Variants in MCEE observed in about 807,000 individuals in gnomAD.
The protein encoded by MCEE is methylmalonyl-CoA epimerase, mitochondrial.
MCEE carries 6 observed loss-of-function variants against 12.9 expected under a neutral mutation model. The ratio of observed to expected loss-of-function variants is 0.47; its 90% CI spans 0.26 to 0.92. The LOEUF (loss-of-function observed/expected upper bound fraction) is 0.92. MCEE is among the 40% of genes least tolerant of loss of function. MCEE has a pLI of 0.16. For synonymous variants in MCEE, 78 were observed against 77.9 expected (o/e 1.00, Z -0.01); for missense variants, 214 against 212.1 (o/e 1.01, Z -0.05).
chr2:71,121,821 A>G (rs1673105829), intron 2 of MCEE, among the ~76,000 whole-genome samples: 1 of 152,168 alleles, frequency 6.6e-6, no homozygotes, highest in African/African-American at 2.4e-5. Context: ...ATAAAGGCTA[A>G]TATTAGGACT....
At chr2:71,117,418 T>C (rs368048235) in intron 2 of MCEE, 2 of 150,576 alleles carry the variant, frequency 1.3e-5, no homozygotes, top group African/African-American at 5.0e-5. Context: ...CCCTAGTTTA[T>C]TGTGAAAAGC....
chr2:71,125,188 A>AATATATATATATATATATATATAT (rs67615436), intron 1 of MCEE, among the ~76,000 whole-genome samples: 8 of 65,688 alleles, frequency 1.2e-4, no homozygotes, highest in Admixed American at 2.4e-4. Flanking sequence ...TATATATATA[A>AATATATATATATATATATATATAT]ATATATATAT....
rs1245413379 is a variant in MCEE, at chr2:71,117,847, C to T, written c.378+6359G>A. ...TTACTACCTACTCATCTAACCAGCC[C>T]CTTCTCTGTCACCGGTCCCTATGAT... On this transcript the variant is annotated intron_variant, in intron 2 of 2. Transcript: ENST00000244217. Among the ~76,000 whole-genome samples, 3 of 149,930 alleles carry T rather than the reference C, an allele frequency of 2.0e-5. No homozygotes were observed. In the East Asian group the frequency reaches 5.8e-4, roughly 29 times the overall value.
At chr2:71,117,516 T>C (rs2103624978) in intron 2 of MCEE, 2 of 150,564 alleles carry the variant, frequency 1.3e-5, no homozygotes, top group South Asian at 2.1e-4. Flanking sequence ...GGAAATGAGT[T>C]ACCTCACTAG....
chr2:71,110,654 C>T (rs931932053), intron 2 of MCEE: 8 of 153,654 alleles, frequency 5.2e-5, no homozygotes, highest in African/African-American at 1.9e-4. Context: ...TCAAGACACA[C>T]ATGAAAATCA....
intron 2 of MCEE, among the ~76,000 whole-genome samples, chr2:71,118,569 G>A (rs1189828642): frequency 6.7e-6 from 1 of 150,010 alleles, no homozygotes; most frequent in African/African-American, 2.5e-5. Context: ...ATCTGGTGGG[G>A]GATTGGTGGT....
intron 2 of MCEE, chr2:71,117,512 G>T (rs1673017654): frequency 6.7e-6 from 1 of 150,370 alleles, no homozygotes; most frequent in Non-Finnish European, 1.5e-5. Context: ...TGTAGGAAAT[G>T]AGTTACCTCA....
intron 2 of MCEE, among the ~76,000 whole-genome samples, chr2:71,114,086 A>G (rs1296401068): frequency 1.3e-5 from 2 of 152,118 alleles, no homozygotes; most frequent in African/African-American, 4.8e-5. Flanking sequence ...GAAAAAGGTT[A>G]GAAAACAAAA....
intron 2 of MCEE, among the ~76,000 whole-genome samples, chr2:71,118,973 T>A (rs1673047948): frequency 6.7e-6 from 1 of 149,746 alleles, no homozygotes; most frequent in Admixed American, 6.6e-5. Flanking sequence ...CACTCATGGA[T>A]GCCCTCCTCA....
intron 2 of MCEE, among the ~76,000 whole-genome samples, chr2:71,114,987 T>C (rs1672961647): frequency 6.6e-6 from 1 of 152,238 alleles, no homozygotes; most frequent in Admixed American, 6.5e-5. Flanking sequence ...TTTTCATTTA[T>C]GGAACATTCT....
At chr2:71,130,073 GGACATTA>G in intron 1 of MCEE, 100 bp downstream of exon 1, 1 of 1,139,234 alleles carries the variant, frequency 8.8e-7, no homozygotes, top group Non-Finnish European at 1.3e-6. Flanking sequence ...CCCCGGGGGA[GGACATTA>G]GATCAAGGTG....
chr2:71,118,137 C>T (rs1159404764), intron 2 of MCEE, among the ~76,000 whole-genome samples: 1 of 150,156 alleles, frequency 6.7e-6, no homozygotes, highest in East Asian at 1.9e-4. Context: ...CTCCCCATAC[C>T]TGCCCCCTAC....
chr2:71,122,241 C>A (rs562038120), intron 2 of MCEE, among the ~76,000 whole-genome samples: 1 of 152,114 alleles, frequency 6.6e-6, no homozygotes, highest in Non-Finnish European at 1.5e-5. Flanking sequence ...TCAAGTGATG[C>A]TCCCACATCA....
intron 2 of MCEE, 148 bp from the exon 3 acceptor site, chr2:71,110,270 A>G (rs1558742030): frequency 1.4e-6 from 1 of 728,466 alleles, no homozygotes; most frequent in Admixed American, 2.8e-5. Context: ...CATAAAAAAT[A>G]AGCTTAAAAT....
intron 1 of MCEE, among the ~76,000 whole-genome samples, chr2:71,125,211 A>ATATATATTTTTTTTT: frequency 1.9e-4 from 9 of 48,610 alleles, no homozygotes; most frequent in Admixed American, 6.6e-4. Context: ...ATATATATAT[A>ATATATATTTTTTTTT]TTTTTTTTTT....
intron 1 of MCEE, among the ~76,000 whole-genome samples, chr2:71,125,314 T>A (rs1260948559): frequency 6.7e-6 from 1 of 149,688 alleles, no homozygotes; most frequent in African/African-American, 2.5e-5. Flanking sequence ...GTTCAAGCGA[T>A]TCTCCTGCCT....
At chr2:71,116,873 C>T (rs1673006824) in intron 2 of MCEE, 1 of 150,546 alleles carries the variant, frequency 6.6e-6, no homozygotes. Flanking sequence ...CTCATAACCT[C>T]TTTGGTCCTC....
At chr2:71,122,069 C>G (rs1225008364) in intron 2 of MCEE, among the ~76,000 whole-genome samples, 1 of 152,154 alleles carries the variant, frequency 6.6e-6, no homozygotes, top group Non-Finnish European at 1.5e-5. Flanking sequence ...TATGAAAATT[C>G]AAGAAAATAG....
At chr2:71,110,218 G>A (rs1032355563) in intron 2 of MCEE, 96 bp from the exon 3 acceptor site, 3 of 1,005,028 alleles carry the variant, frequency 3.0e-6, no homozygotes, top group Non-Finnish European at 4.6e-6. Context: ...AGCTCATGCA[G>A]TCTATCTCCT....
Sources: gnomAD v4.1 joint callset for allele counts (sites outside exome capture counted in the v4.1 genomes callset) on GRCh38, gnomAD v4.1.1 for gene constraint, MANE v1.5 for transcripts, NCBI Gene and HGNC (gene_info 2026-07-23, HGNC 2026-07-21) for gene names.